The following CHN1 variants were observed in gnomAD, a reference collection of about 807,000 sequenced individuals.
CHN1 encodes the protein chimerin 1.
In CHN1, 37 loss-of-function variants were observed where a neutral mutation model predicts 59.5. That is an observed-to-expected ratio of 0.62 (90% CI 0.48 to 0.82). The LOEUF is 0.82. CHN1 is among the 40% of genes least tolerant of loss of function. CHN1 has a pLI of 0.00. For synonymous variants in CHN1, 206 were observed against 200.4 expected (o/e 1.03, Z -0.24); for missense variants, 469 against 571.0 (o/e 0.82, Z 1.82).
intron 7 of CHN1, among the ~76,000 whole-genome samples, chr2:174,827,643 C>G (rs571771136): frequency 6.6e-6 from 1 of 152,218 alleles, no homozygotes; most frequent in South Asian, 2.1e-4. Context: ...TGAAGGAAGA[C>G]AGACTAGGTA....
intron 7 of CHN1, among the ~76,000 whole-genome samples, chr2:174,845,812 A>C (rs1453646431): frequency 1.3e-5 from 2 of 150,092 alleles, no homozygotes; most frequent in Non-Finnish European, 1.5e-5. Context: ...TTAGTGTTTG[A>C]GTAAAATAAA....
At chr2:174,847,037 G>T (rs1311949193) in intron 6 of CHN1, 80 bp from the exon 7 acceptor site, 2 of 1,551,484 alleles carry the variant, frequency 1.3e-6, no homozygotes, top group African/African-American at 2.7e-5. Context: ...TCCCAAGGCT[G>T]CTATCAATAA....
intron 3 of CHN1, among the ~76,000 whole-genome samples, chr2:174,932,222 GTTTA>G: frequency 1.3e-5 from 2 of 152,296 alleles, no homozygotes; most frequent in South Asian, 2.1e-4. Context: ...CACAACAGAA[GTTTA>G]TTTCTCGTTT....
chr2:174,881,935 A>T (rs1359960426), intron 5 of CHN1, among the ~76,000 whole-genome samples: 1 of 152,218 alleles, frequency 6.6e-6, no homozygotes, highest in Non-Finnish European at 1.5e-5. Flanking sequence ...ACATATATTG[A>T]AAGCGGGACA....
At chr2:174,854,338 G>A (rs1446856537) in intron 6 of CHN1, among the ~76,000 whole-genome samples, 1 of 151,982 alleles carries the variant, frequency 6.6e-6, no homozygotes, top group East Asian at 1.9e-4. Context: ...GGTAAGGGGT[G>A]GGGTAGAGGA....
intron 7 of CHN1, among the ~76,000 whole-genome samples, chr2:174,827,501 C>T (rs1028466851): frequency 1.3e-5 from 2 of 152,126 alleles, no homozygotes; most frequent in African/African-American, 4.8e-5. Context: ...GGAGTGGAAA[C>T]GACTGGCCTG....
At chr2:174,843,591 C>CCCACGATCATGCTAAGGTTTT in intron 7 of CHN1, among the ~76,000 whole-genome samples, 1 of 151,992 alleles carries the variant, frequency 6.6e-6, no homozygotes, top group East Asian at 1.9e-4. Context: ...AGGCACAGTC[C>CCCACGATCATGCTAAGGTTTT]CCACGATCAT....
chr2:175,002,938 T>C (rs1342642581), intron 1 of CHN1, among the ~76,000 whole-genome samples: 1 of 152,182 alleles, frequency 6.6e-6, no homozygotes, highest in Non-Finnish European at 1.5e-5. Context: ...TAGGTACATC[T>C]CTCAACATAC....
intron 5 of CHN1, among the ~76,000 whole-genome samples, chr2:174,892,457 C>T (rs1688081991): frequency 6.6e-6 from 1 of 152,202 alleles, no homozygotes; most frequent in Non-Finnish European, 1.5e-5. Flanking sequence ...TGGGCCCTCA[C>T]CAGACACTAA....
intron 2 of CHN1, among the ~76,000 whole-genome samples, chr2:174,947,820 G>A (rs898657054): frequency 3.3e-5 from 5 of 151,822 alleles, no homozygotes; most frequent in Middle Eastern, 3.4e-3. Context: ...TAACAAATTT[G>A]GATTCAAAAA....
At chr2:174,879,902 G>A (rs1417149029) in intron 5 of CHN1, among the ~76,000 whole-genome samples, 2 of 152,150 alleles carry the variant, frequency 1.3e-5, no homozygotes, top group Admixed American at 1.3e-4. Context: ...AATCTGAGAA[G>A]TATGGGGGGC....
At chr2:174,976,323 C>T (rs1253805139) in intron 1 of CHN1, among the ~76,000 whole-genome samples, 1 of 151,600 alleles carries the variant, frequency 6.6e-6, no homozygotes, top group Non-Finnish European at 1.5e-5. Flanking sequence ...CTGCAACCTC[C>T]GCCTCCCGGG....
intron 1 of CHN1, among the ~76,000 whole-genome samples, chr2:174,975,307 A>C (rs1434697929): frequency 2.6e-5 from 4 of 152,178 alleles, no homozygotes; most frequent in Non-Finnish European, 5.9e-5. Flanking sequence ...AATTTTTAAA[A>C]TATCCAAGCC....
chr2:174,938,354 T>G (rs1299630223), intron 3 of CHN1, among the ~76,000 whole-genome samples: 1 of 148,278 alleles, frequency 6.7e-6, no homozygotes, highest in African/African-American at 2.4e-5. Flanking sequence ...TCATTTCTAA[T>G]GGACATTCAA....
At chr2:174,938,526 T>C (rs1277152150) in intron 3 of CHN1, among the ~76,000 whole-genome samples, 1 of 152,194 alleles carries the variant, frequency 6.6e-6, no homozygotes, top group Non-Finnish European at 1.5e-5. Flanking sequence ...TATGCCTGTT[T>C]AGTAACTGTC....
intron 6 of CHN1, among the ~76,000 whole-genome samples, chr2:174,874,869 A>ATTTTTTTTTTTTTTT (rs1448635120): frequency 1.0e-5 from 1 of 98,304 alleles, no homozygotes; most frequent in Non-Finnish European, 1.9e-5. Context: ...TTTTTTATTT[A>ATTTTTTTTTTTTTTT]TTCTTTTTTT....
At chr2:174,820,620 G>A (rs1196164327) in intron 8 of CHN1, among the ~76,000 whole-genome samples, 1 of 152,200 alleles carries the variant, frequency 6.6e-6, no homozygotes, top group African/African-American at 2.4e-5. Flanking sequence ...TGCACTGCGT[G>A]GTTTTGAATA....
At chr2:174,899,628 C>A (rs994905031) in intron 5 of CHN1, among the ~76,000 whole-genome samples, 1 of 152,130 alleles carries the variant, frequency 6.6e-6, no homozygotes, top group African/African-American at 2.4e-5. Context: ...ACTATAGGAT[C>A]CTTTACAGAA....
intron 6 of CHN1, among the ~76,000 whole-genome samples, chr2:174,854,501 G>A (rs902101584): frequency 6.6e-5 from 10 of 152,086 alleles, no homozygotes; most frequent in South Asian, 2.1e-4. Flanking sequence ...TTGAGCTAGC[G>A]TCTCATTTTC....
Sources: allele counts gnomAD v4.1 joint callset (sites outside exome capture counted in the v4.1 genomes callset), GRCh38; gene constraint gnomAD v4.1.1; transcripts MANE v1.5; gene names NCBI Gene and HGNC (gene_info 2026-07-23, HGNC 2026-07-21).